The following DGKD variants were observed in gnomAD, a reference collection of about 807,000 sequenced individuals.
The protein encoded by DGKD is diacylglycerol kinase delta, also known as DAG kinase delta.
In DGKD, 68 loss-of-function variants were observed where a neutral mutation model predicts 154.4. The observed-to-expected ratio is 0.44, with a 90% CI of 0.36 to 0.54. The LOEUF (loss-of-function observed/expected upper bound fraction) is 0.54. DGKD is among the 20% of genes least tolerant of loss of function. The probability of loss-of-function intolerance (pLI) is 0.00; values close to 1 mark genes in which losing one functional copy is unlikely to be tolerated. For synonymous variants in DGKD, 693 were observed against 638.0 expected (o/e 1.09, Z -1.30); for missense variants, 1,343 against 1,593.6 (o/e 0.84, Z 2.68).
chr2:233,354,667 G>C lies in DGKD; in HGVS notation c.149G>C (p.Arg50Pro). Reference sequence around the variant, plus strand: ...AAGGTGTCCACGTCGGGTCAGATCCGACAGAAGGTGAGCCCGCGGCGCGGC... The same window carrying C: ...AAGGTGTCCACGTCGGGTCAGATCCCACAGAAGGTGAGCCCGCGGCGCGGC... ...IRKVSTSGQI[R>P]QKTIIKEGML... Residue 50 changes from arginine (R) to proline (P), a missense_variant, in exon 1 of 30, where the codon CGA becomes CCA. By Grantham distance (103) the Arg-to-Pro change is moderately radical. Transcript: ENST00000264057. This position sits in a 1 kb window ranked among gnomAD's most constrained non-coding sequence, Gnocchi z 4.8. 9.7e-7 allele frequency: 1 copy of C among 1,026,514 alleles called. No individual in the cohort carries two copies. Among genetic ancestry groups the C allele is most frequent in the South Asian group, 3.2e-5 (1 of 31,032 alleles). The allele number at this position is 1,026,514 out of a possible 1,614,324, so 63.6% of individuals were successfully genotyped here.
chr2:233,362,269 G>C (rs1460960293), intron 1 of DGKD, among the ~76,000 whole-genome samples: 1 of 152,140 alleles, frequency 6.6e-6, no homozygotes, highest in Non-Finnish European at 1.5e-5. Flanking sequence ...GGAGAGGGTG[G>C]GAGACAGATA....
Position 233,422,649 on chromosome 2 carries a change from A to G in DGKD, c.349-11731A>G, listed in dbSNP as rs181606061. On this transcript the variant is annotated intron_variant, in intron 3 of 29. Transcript: ENST00000264057. ...ATTACACTTTTAACTTGCGCTGCCCACATACGCCCTTGTCCTTAAGAAACA... is the reference window on the plus strand; with the variant it reads ...ATTACACTTTTAACTTGCGCTGCCCGCATACGCCCTTGTCCTTAAGAAACA... 1.5e-3 allele frequency among the ~76,000 whole-genome samples: 231 copies of G among 152,346 alleles called. 1 individual carries two copies. Among genetic ancestry groups the G allele is most frequent in the South Asian group, 5.0e-3 (24 of 4,818 alleles).
At position 233,448,357 on chromosome 2, in the gene DGKD, A is replaced by G; in HGVS notation, c.1596A>G (p.Ser532=). The part of the protein sequence containing the change: ...YEKTTESSEE[S]EVMAKKCSVL... ...AGACGACCGAGAGCTCGGAGGAGTC[A>G]GAGGTCATGGCCAAGAAGGTCTGTT... is the stretch of plus-strand genomic sequence containing the variant. Residue 532 remains serine, a synonymous_variant, in exon 14 of 30, where the codon TCA becomes TCG. Transcript: ENST00000264057. 1.2e-6 allele frequency: 2 copies of G among 1,614,070 alleles called. No individual in the cohort carries two copies. The highest frequency in any genetic ancestry group is 1.7e-6 in the Non-Finnish European group (2 of 1,180,000).
In DGKD at chr2:233,452,155, A is replaced by AGTT; in HGVS notation, c.2264+97_2264+99dup. 8.4e-7 allele frequency: 1 copy of AGTT among 1,186,826 alleles called. No homozygotes were observed. Among genetic ancestry groups the AGTT allele is most frequent in the Non-Finnish European group, 1.2e-6 (1 of 803,826 alleles). The allele number at this position is 1,186,826 out of a possible 1,614,324, so 73.5% of individuals were successfully genotyped here. ...GGATTAACTAGAGAAATTAGTGAGC[A>AGTT]GTTGCCCAGCTGGTGGTAGCTGATA... On this transcript the variant is annotated intron_variant, in intron 18 of 29. Coordinates refer to ENST00000264057, the MANE Select transcript of DGKD (RefSeq NM_152879.3). This position sits in a 1 kb window ranked among gnomAD's most constrained non-coding sequence, Gnocchi z 4.0.
At chr2:233,435,966 C>G in intron 6 of DGKD, 42 bp downstream of exon 6, 1 of 1,549,862 alleles carries the variant, frequency 6.5e-7, no homozygotes, top group Non-Finnish European at 8.8e-7. Context: ...GAGCCAGGGT[C>G]CCCCACCTGC....
chr2:233,390,204 G>A (rs756523123), intron 2 of DGKD, among the ~76,000 whole-genome samples, 199 bp from the exon 3 acceptor site: 1 of 152,262 alleles, frequency 6.6e-6, no homozygotes, highest in Middle Eastern at 3.4e-3. Context: ...CACTATACCT[G>A]TGAGCCCGAG....
At position 233,354,764 on chromosome 2, in the gene DGKD, A is replaced by AGGCCC. The variant is rs1182295184; in HGVS notation, c.156+94_156+98dup. ...CGTGGCCCTGCCCGAGCGGCCGCCC[A>AGGCCC]GGCCCGGCTCGGCCCGGCCCGGGGT... On this transcript the variant is annotated intron_variant, in intron 1 of 29. Transcript: ENST00000264057. This position sits in a 1 kb window ranked among gnomAD's most constrained non-coding sequence, Gnocchi z 4.8. The AGGCCC allele has an allele frequency of 1.3e-6, 1 of 795,862 alleles. No individual in the cohort carries two copies. The highest frequency in any genetic ancestry group is 6.5e-5 in the Admixed American group (1 of 15,326). The allele number at this position is 795,862 out of a possible 1,614,324, so 49.3% of individuals were successfully genotyped here. A position where few individuals can be genotyped will look rare whatever the true frequency, so the allele number is the denominator to read the frequency against.
chr2:233,368,933 G>C (rs150903029), intron 1 of DGKD, among the ~76,000 whole-genome samples: 151 of 152,336 alleles, frequency 9.9e-4, no homozygotes, highest in African/African-American at 3.4e-3. Context: ...GGCCGAGGCT[G>C]CCAGCCCACA....
At chr2:233,407,812 GTGAA>G (rs2061723108) in intron 3 of DGKD, among the ~76,000 whole-genome samples, 1 of 152,102 alleles carries the variant, frequency 6.6e-6, no homozygotes, top group Non-Finnish European at 1.5e-5. Flanking sequence ...TATTTGTTGG[GTGAA>G]TGAAAGTTCC....
chr2:233,415,092 G>A (rs1055354254), intron 3 of DGKD, among the ~76,000 whole-genome samples: 1 of 152,126 alleles, frequency 6.6e-6, no homozygotes, highest in African/African-American at 2.4e-5. Flanking sequence ...CCACACTTTG[G>A]ACTCTGTCCC....
chr2:233,467,044 A>C, intron 27 of DGKD, 42 bp from the exon 28 acceptor site: 1 of 1,490,674 alleles, frequency 6.7e-7, no homozygotes, highest in Non-Finnish European at 9.4e-7. Flanking sequence ...GGCCGTGATC[A>C]GTTGCAGCCT....
chr2:233,370,972 G>A (rs577895107), intron 1 of DGKD, among the ~76,000 whole-genome samples: 26 of 150,786 alleles, frequency 1.7e-4, no homozygotes, highest in East Asian at 9.7e-4. Context: ...GGTTGGTCTC[G>A]AACACTCGGG....
chr2:233,449,455 A>G lies in DGKD; in HGVS notation c.1888+79A>G. On this transcript the variant is annotated intron_variant, in intron 15 of 29. Coordinates refer to ENST00000264057, the MANE Select transcript of DGKD (RefSeq NM_152879.3). This position sits in a 1 kb window ranked among gnomAD's most constrained non-coding sequence, Gnocchi z 5.3. ...CCAGCGTCCCCTGAACACGGAGATG[A>G]CAGAAGGGTGCATGTTGAGAAAACC... 6.7e-7 allele frequency: 1 copy of G among 1,498,292 alleles called. No homozygotes were observed. Among genetic ancestry groups the G allele is most frequent in the Admixed American group, 2.1e-5 (1 of 47,810 alleles). The allele number at this position is 1,498,292 out of a possible 1,614,324, so 92.8% of individuals were successfully genotyped here.
intron 3 of DGKD, chr2:233,419,203 G>T: frequency 1.0e-6 from 1 of 985,120 alleles, no homozygotes; most frequent in Non-Finnish European, 1.2e-6. Flanking sequence ...GAGTGTTTCC[G>T]AGTGCCTCAT....
chr2:233,417,357 G>A (rs1172313258), intron 3 of DGKD, among the ~76,000 whole-genome samples: 1 of 152,134 alleles, frequency 6.6e-6, no homozygotes. Context: ...TTTAAAAGGT[G>A]CAGTTCTGTA....
At chr2:233,455,939 G>A (rs1340770603) in intron 19 of DGKD, among the ~76,000 whole-genome samples, 3 of 152,220 alleles carry the variant, frequency 2.0e-5, no homozygotes, top group Non-Finnish European at 2.9e-5. Context: ...GGATGGTAAC[G>A]TCAGATCATT....
In DGKD at chr2:233,361,659, C is replaced by G. The variant is rs545811423; in HGVS notation, c.156+6985C>G. Reference sequence around the variant, plus strand: ...TATGGAAAAGAACCAGATGAAAATTCTAGTCCACACTGGCCAGATGGCTCA... The same window carrying G: ...TATGGAAAAGAACCAGATGAAAATTGTAGTCCACACTGGCCAGATGGCTCA... On this transcript the variant is annotated intron_variant, in intron 1 of 29. Transcript: ENST00000264057. Among the ~76,000 whole-genome samples, 11 of 152,336 alleles carry G rather than the reference C, an allele frequency of 7.2e-5. 1 individual carries two copies. The South Asian group carries it at 2.3e-3, about 32-fold the overall frequency.
rs2063035097 is a variant in DGKD, at chr2:233,445,479, G to A, written c.1195-144G>A. On this transcript the variant is annotated intron_variant, in intron 10 of 29. Transcript: ENST00000264057. This position sits in a 1 kb window ranked among gnomAD's most constrained non-coding sequence, Gnocchi z 5.5. ...CTGTCCCCTCCAGTGGGCTCTGCCTGTAATGTGTAAGCTGCGTGGTTTTAG... is the reference window on the plus strand; with the variant it reads ...CTGTCCCCTCCAGTGGGCTCTGCCTATAATGTGTAAGCTGCGTGGTTTTAG... 1.7e-6 allele frequency: 2 copies of A among 1,144,674 alleles called. No homozygotes were observed. The highest frequency in any genetic ancestry group is 2.8e-5 in the East Asian group (1 of 36,184). The allele number at this position is 1,144,674 out of a possible 1,614,324, so 70.9% of individuals were successfully genotyped here.
intron 11 of DGKD, 53 bp from the exon 12 acceptor site, chr2:233,446,659 C>T (rs1038233983): frequency 6.9e-6 from 11 of 1,585,858 alleles, no homozygotes; most frequent in Middle Eastern, 1.7e-4. Context: ...GCAGGGTTCA[C>T]CCTTGTGGGC....
Sources: allele counts gnomAD v4.1 joint callset (sites outside exome capture counted in the v4.1 genomes callset), GRCh38; gene constraint gnomAD v4.1.1; non-coding constraint Gnocchi (gnomAD v3.1); transcripts MANE v1.5; gene names NCBI Gene and HGNC (gene_info 2026-07-23, HGNC 2026-07-21).